TVP23A: variants seen among roughly 807,000 people sequenced by gnomAD.
The protein encoded by TVP23A is trans-golgi network vesicle protein 23 homolog A.
A neutral mutation model predicts 31.7 loss-of-function variants in TVP23A; 21 were observed. The ratio of observed to expected loss-of-function variants is 0.66; its 90% confidence interval spans 0.47 to 0.95. The LOEUF is 0.95. Ranked by LOEUF, TVP23A falls within the 40% of genes least tolerant of loss-of-function variation. The probability of loss-of-function intolerance (pLI) is 0.00; values close to 1 mark genes in which losing one functional copy is unlikely to be tolerated. For missense variants in TVP23A, 279 were observed against 255.6 expected (o/e 1.09, Z -0.62); for synonymous variants, 104 against 96.0 (o/e 1.08, Z -0.49).
intron 2 of TVP23A, among the ~76,000 whole-genome samples, chr16:10,807,318 T>C (rs1369774713): frequency 6.6e-6 from 1 of 152,244 alleles, no homozygotes; most frequent in Non-Finnish European, 1.5e-5. Context: ...TACTGTCACC[T>C]GTGCCCTCTC....
At chr16:10,783,540 G>C (rs180775749) in intron 2 of TVP23A, among the ~76,000 whole-genome samples, 8 of 152,266 alleles carry the variant, frequency 5.3e-5, no homozygotes, top group East Asian at 3.9e-4. Context: ...GCCGGGCGTG[G>C]TGGCGCGTAC....
chr16:10,764,262 G>C (rs923611876), downstream of TVP23A, among the ~76,000 whole-genome samples: 2 of 152,268 alleles, frequency 1.3e-5, no homozygotes, highest in Non-Finnish European at 2.9e-5. Context: ...GAGCACCTCA[G>C]TGTACTTTGC....
chr16:10,801,483 GTC>G (rs959473364), intron 2 of TVP23A, among the ~76,000 whole-genome samples: 2 of 151,328 alleles, frequency 1.3e-5, no homozygotes, highest in Non-Finnish European at 2.9e-5. Flanking sequence ...TTTTTCCTGA[GTC>G]TCGCTCTGTC....
At chr16:10,816,128 G>C (rs563258127) in intron 2 of TVP23A, among the ~76,000 whole-genome samples, 1 of 151,588 alleles carries the variant, frequency 6.6e-6, no homozygotes, top group African/African-American at 2.4e-5. Flanking sequence ...TAGGGAGGCT[G>C]AGGCAGGAGG....
chr16:10,760,237 C>T (rs1462598654), downstream of TVP23A, among the ~76,000 whole-genome samples: 1 of 152,244 alleles, frequency 6.6e-6, no homozygotes, highest in African/African-American at 2.4e-5. Context: ...CCCCACGGTC[C>T]CTGTCCCAGC....
chr16:10,759,636 C>T (rs535961374), downstream of TVP23A, among the ~76,000 whole-genome samples: 5 of 152,036 alleles, frequency 3.3e-5, no homozygotes, highest in Non-Finnish European at 7.4e-5. This position sits in a 1 kb window ranked among gnomAD's most constrained non-coding sequence, Gnocchi z 4.7. Context: ...ATTAGCCAGG[C>T]GTGGTGGTGG....
At chr16:10,763,917 TCAGCCCATGGGAGCATCC>T (rs1356042314), downstream of TVP23A, 4 of 182,470 alleles carry the variant, frequency 2.2e-5, no homozygotes, top group South Asian at 8.1e-5. Context: ...CAAGAGCATC[TCAGCCCATGGGAGCATCC>T]CAGCCCAAGG....
intron 2 of TVP23A, among the ~76,000 whole-genome samples, chr16:10,814,585 C>T (rs1161976763): frequency 6.8e-6 from 1 of 146,116 alleles, no homozygotes; most frequent in African/African-American, 2.8e-5. Flanking sequence ...ACTTCCACCC[C>T]AACAACCCAG....
Position 10,773,379 on chromosome 16 carries a change from T to C in TVP23A, c.387A>G (p.Ile129Met), listed in dbSNP as rs369235815. The change falls in exon 5 of 8, where the codon ATA (isoleucine) becomes ATG (methionine). Residue 129 changes from isoleucine (I) to methionine (M), a missense_variant. Coordinates refer to ENST00000299866, the MANE Select transcript of TVP23A (RefSeq NM_001079512.4). Reference sequence around the variant, plus strand: ...ACACAATCCATATCATGGGGCAGATTATGAGGCCCAGCCAGAAGATTCGTG... The same window carrying C: ...ACACAATCCATATCATGGGGCAGATCATGAGGCCCAGCCAGAAGATTCGTG... ...AEARIFWLGL[I>M]ICPMIWIVFF... The C allele has an allele frequency of 9.2e-5, 148 of 1,612,156 alleles. No homozygotes were observed. The highest frequency in any genetic ancestry group is 1.2e-4 in the Non-Finnish European group (142 of 1,179,566).
At chr16:10,761,708 T>G, downstream of TVP23A, 1 of 1,481,754 alleles carries the variant, frequency 6.7e-7, no homozygotes, top group East Asian at 2.3e-5. Flanking sequence ...TCCATCCTTG[T>G]GATTCTGCAA....
intron 2 of TVP23A, among the ~76,000 whole-genome samples, chr16:10,798,162 T>G (rs1475552686): frequency 1.3e-5 from 2 of 151,846 alleles, no homozygotes; most frequent in Non-Finnish European, 2.9e-5. Flanking sequence ...GGTTTCACCA[T>G]GTTAGCCAGG....
chr16:10,762,488 C>G (rs988413908), downstream of TVP23A, among the ~76,000 whole-genome samples: 7 of 152,232 alleles, frequency 4.6e-5, no homozygotes, highest in Non-Finnish European at 8.8e-5. Context: ...CGCCGCGGGG[C>G]GCTGGGCAGG....
intron 2 of TVP23A, among the ~76,000 whole-genome samples, chr16:10,817,019 G>T (rs2034474618): frequency 6.6e-6 from 1 of 151,866 alleles, no homozygotes; most frequent in African/African-American, 2.4e-5. Flanking sequence ...TGGCCTTGAA[G>T]ACGGAGGAAC....
At chr16:10,789,623 G>A (rs2142984963) in intron 2 of TVP23A, among the ~76,000 whole-genome samples, 1 of 140,424 alleles carries the variant, frequency 7.1e-6, no homozygotes, top group Non-Finnish European at 1.5e-5. Flanking sequence ...GAGGTCAGGA[G>A]TTCAAGACCA....
At chr16:10,762,709 A>T (rs577313341), downstream of TVP23A, among the ~76,000 whole-genome samples, 5 of 152,026 alleles carry the variant, frequency 3.3e-5, no homozygotes, top group East Asian at 9.7e-4. Context: ...CTTCCACTCC[A>T]TTTGTCAGGG....
chr16:10,785,096 CAA>C (rs56109185), intron 2 of TVP23A, among the ~76,000 whole-genome samples: 15 of 76,302 alleles, frequency 2.0e-4, no homozygotes, highest in Admixed American at 3.1e-4. Flanking sequence ...GACTCCGTCT[CAA>C]AAAAAAAAAA....
At chr16:10,778,341 T>TA (rs1423632045) in intron 2 of TVP23A, among the ~76,000 whole-genome samples, 2 of 149,374 alleles carry the variant, frequency 1.3e-5, no homozygotes, top group East Asian at 3.9e-4. Context: ...CTCGAAGAAT[T>TA]AGACAGGATC....
intron 2 of TVP23A, among the ~76,000 whole-genome samples, chr16:10,781,789 C>A (rs2032436126): frequency 6.7e-6 from 1 of 150,200 alleles, no homozygotes; most frequent in African/African-American, 2.5e-5. Flanking sequence ...GGCAGATAAG[C>A]TATAAATCTC....
Position 10,768,055 on chromosome 16 carries a change from AATGCAG to A in TVP23A, c.*1041_*1046del. ...AGAGTAAGTATTTCCATGAGTACTA[AATGCAG>A]ATGCCTGTGGGGCAGGAAGCAACAT... is the stretch of plus-strand genomic sequence containing the variant. On this transcript the variant is annotated 3_prime_UTR_variant, in exon 8 of 8. Coordinates refer to ENST00000299866, the MANE Select transcript of TVP23A (RefSeq NM_001079512.4). This position sits in a 1 kb window ranked among gnomAD's most constrained non-coding sequence, Gnocchi z 4.3. 6.2e-7 allele frequency: 1 copy of A among 1,607,428 alleles called. No homozygotes were observed. Among genetic ancestry groups the A allele is most frequent in the Non-Finnish European group, 8.5e-7 (1 of 1,174,140 alleles).
Sources: allele counts gnomAD v4.1 joint callset (sites outside exome capture counted in the v4.1 genomes callset), GRCh38; gene constraint gnomAD v4.1.1; non-coding constraint Gnocchi (gnomAD v3.1); transcripts MANE v1.5; gene names NCBI Gene and HGNC (gene_info 2026-07-23, HGNC 2026-07-21).